Variants in ALKBH5 observed in about 807,000 individuals in gnomAD.
ALKBH5 encodes the protein RNA demethylase ALKBH5.
ALKBH5 carries 2 observed loss-of-function variants against 32.1 expected under a neutral mutation model. The ratio of observed to expected loss-of-function variants is 0.06; its 90% CI spans 0.03 to 0.20. ALKBH5 has a LOEUF of 0.20. Among genes scored for constraint, ALKBH5 ranks in the 10% least tolerant of loss-of-function variants. ALKBH5 has a pLI of 1.00. For synonymous variants in ALKBH5, 300 were observed against 231.7 expected, an observed-to-expected ratio of 1.29 and a Z score of -2.68; for missense variants, 352 against 559.5, an observed-to-expected ratio of 0.63 and a Z score of 3.74.
Position 18,184,115 on chromosome 17 carries a change from C to T in ALKBH5, c.-129C>T. 1 of 859,662 alleles carries T rather than the reference C, an allele frequency of 1.2e-6. No individual in the cohort carries two copies. The highest frequency in any genetic ancestry group is 1.8e-6 in the Non-Finnish European group (1 of 551,098). The allele number at this position is 859,662 out of a possible 1,614,324, so 53.3% of individuals were successfully genotyped here. ...ACCCTCGACGCCCCCCGCCGGGTCC[C>T]CCACTCACGCATGGGGGTTCGGCGC... On this transcript the variant is annotated 5_prime_UTR_variant, in exon 1 of 4. Transcript: ENST00000399138.
chr17:18,208,381 G>A lies in ALKBH5; in HGVS notation c.1170G>A (p.Lys390=). 1 of 1,613,228 alleles carries A rather than the reference G, an allele frequency of 6.2e-7. No individual in the cohort carries two copies. The highest frequency in any genetic ancestry group is 8.5e-7 in the Non-Finnish European group (1 of 1,179,516). ...CAGGCAGCCCTGCCCGAAAGGTGAA[G>A]ATGCGGCGGCACTGAGTCTACCCGC... is the stretch of plus-strand genomic sequence containing the variant. ...EAAGSPARKV[K]MRRH is the part of the protein sequence containing the mutation. The change falls in exon 4 of 4, where the codon AAG becomes AAA. Residue 390 remains lysine, a synonymous_variant. Coordinates refer to ENST00000399138, the MANE Select transcript of ALKBH5 (RefSeq NM_017758.4).
At chr17:18,207,849 G>C (rs1035807480) in intron 3 of ALKBH5, among the ~76,000 whole-genome samples, 4 of 152,078 alleles carry the variant, frequency 2.6e-5, no homozygotes, top group African/African-American at 7.2e-5. Flanking sequence ...AGTGGAGAAG[G>C]GGGTGTTGGG....
intron 2 of ALKBH5, among the ~76,000 whole-genome samples, chr17:18,203,500 G>A (rs1305476110): frequency 1.3e-5 from 2 of 152,176 alleles, no homozygotes; most frequent in East Asian, 1.9e-4. Flanking sequence ...TCACATGCCC[G>A]AGGTCACATG....
rs181467493 is a variant in ALKBH5 at position 18,194,473 on chromosome 17, A to C, written c.771-482A>C. Among the ~76,000 whole-genome samples, 26 of 152,224 alleles carry C rather than the reference A, an allele frequency of 1.7e-4. No homozygotes were observed. The East Asian group carries it at 4.8e-3, about 28-fold the overall frequency. On this transcript the variant is annotated intron_variant, in intron 1 of 3. Coordinates refer to ENST00000399138, the MANE Select transcript of ALKBH5 (RefSeq NM_017758.4). ...CCAGCCGGAAATTCTTAAAATATTCAAACACAACTGTCTTCAAAATTTTGG... is the reference window on the plus strand; with the variant it reads ...CCAGCCGGAAATTCTTAAAATATTCCAACACAACTGTCTTCAAAATTTTGG...
chr17:18,197,980 G>A (rs1219950465), intron 2 of ALKBH5, among the ~76,000 whole-genome samples: 1 of 152,162 alleles, frequency 6.6e-6, no homozygotes, highest in Non-Finnish European at 1.5e-5. Flanking sequence ...TTATGGATTT[G>A]TGCCTGGGCT....
At chr17:18,185,604 C>T (rs2047134579) in intron 1 of ALKBH5, among the ~76,000 whole-genome samples, 1 of 152,196 alleles carries the variant, frequency 6.6e-6, no homozygotes, top group Non-Finnish European at 1.5e-5. Flanking sequence ...AAATTCTTCC[C>T]TCCTGGCTGC....
chr17:18,203,746 G>A (rs1231565285), intron 2 of ALKBH5, among the ~76,000 whole-genome samples: 1 of 152,244 alleles, frequency 6.6e-6, no homozygotes, highest in Non-Finnish European at 1.5e-5. Flanking sequence ...TGGGCTTGGA[G>A]TCAAGCTCTA....
intron 1 of ALKBH5, among the ~76,000 whole-genome samples, chr17:18,192,465 A>G (rs2047181814): frequency 6.6e-6 from 1 of 152,224 alleles, no homozygotes; most frequent in Non-Finnish European, 1.5e-5. Flanking sequence ...ATCTTGTAAT[A>G]TTAGTAGCAG....
In ALKBH5 at chr17:18,189,399, A is replaced by G. The variant is rs138422595; in HGVS notation, c.770+4386A>G. ...AGCAAGACTCCGTCTCAAAAAAAAG[A>G]AAAAGAAAATTCAGAGCTGGCTGGC... On this transcript the variant is annotated intron_variant, in intron 1 of 3. Coordinates refer to ENST00000399138, the MANE Select transcript of ALKBH5 (RefSeq NM_017758.4). Among the ~76,000 whole-genome samples the G allele has an allele frequency of 5.1e-3, 781 of 152,268 alleles. 8 individuals carry two copies. Among genetic ancestry groups the G allele is most frequent in the African/African-American group, 0.017 (712 of 41,554 alleles).
intron 2 of ALKBH5, among the ~76,000 whole-genome samples, chr17:18,199,059 G>A (rs530923727): frequency 2.0e-5 from 3 of 152,200 alleles, no homozygotes; most frequent in Admixed American, 6.5e-5. Flanking sequence ...CTGGAGCTCA[G>A]ATATAGAAGG....
At chr17:18,195,234 T>C (rs2142477595) in intron 2 of ALKBH5, among the ~76,000 whole-genome samples, 199 bp downstream of exon 2, 1 of 152,326 alleles carries the variant, frequency 6.6e-6, no homozygotes, top group South Asian at 2.1e-4. Flanking sequence ...GTACTCTATT[T>C]AGGGAGTTTA....
chr17:18,201,794 A>AGATAGGT (rs1491101824), intron 2 of ALKBH5, among the ~76,000 whole-genome samples: 49 of 134,512 alleles, frequency 3.6e-4, no homozygotes, highest in South Asian at 2.5e-3. Flanking sequence ...TAGGATAGAT[A>AGATAGGT]AGATAGATAG....
chr17:18,205,093 A>T (rs567989943), intron 2 of ALKBH5, among the ~76,000 whole-genome samples: 10 of 152,180 alleles, frequency 6.6e-5, no homozygotes, highest in African/African-American at 2.2e-4. Context: ...TCACATACTC[A>T]TCTCTGGTAG....
chr17:18,187,474 CTG>C (rs2047146260), intron 1 of ALKBH5, among the ~76,000 whole-genome samples: 1 of 152,188 alleles, frequency 6.6e-6, no homozygotes, highest in Non-Finnish European at 1.5e-5. Context: ...GCATTGTAGA[CTG>C]TTCAGCAGCA....
intron 1 of ALKBH5, among the ~76,000 whole-genome samples, chr17:18,188,589 G>C (rs1456195343): frequency 2.0e-5 from 3 of 152,248 alleles, no homozygotes; most frequent in African/African-American, 7.2e-5. Context: ...CCACTGGAGG[G>C]GGAGGAACCA....
intron 3 of ALKBH5, 96 bp downstream of exon 3, chr17:18,207,066 G>T: frequency 2.0e-6 from 3 of 1,475,102 alleles, no homozygotes; most frequent in South Asian, 1.3e-5. Flanking sequence ...AGGAGCCTTG[G>T]CTTGCTCACC....
intron 2 of ALKBH5, among the ~76,000 whole-genome samples, chr17:18,203,389 C>G (rs1205479779): frequency 6.6e-6 from 1 of 152,236 alleles, no homozygotes; most frequent in Non-Finnish European, 1.5e-5. Flanking sequence ...CCCTTCCCTT[C>G]GGTTCACACT....
chr17:18,186,600 A>C (rs1451140792), intron 1 of ALKBH5, among the ~76,000 whole-genome samples: 2 of 152,142 alleles, frequency 1.3e-5, no homozygotes, highest in African/African-American at 4.8e-5. Context: ...ACACATGCCC[A>C]CCCTGTATTT....
chr17:18,209,768 G>A lies in ALKBH5; in HGVS notation c.*1372G>A, dbSNP rs1413816384. 6.6e-6 allele frequency: 1 copy of A among 152,614 alleles called. No homozygotes were observed. Among genetic ancestry groups the A allele is most frequent in the Non-Finnish European group, 1.5e-5 (1 of 68,034 alleles). The allele number at this position is 152,614 out of a possible 1,614,324, so 9.5% of individuals were successfully genotyped here. On this transcript the variant is annotated 3_prime_UTR_variant, in exon 4 of 4. Transcript: ENST00000399138. Reference sequence around the variant, plus strand: ...AATCTGGGGCAGCCACCATCAAGAAGCCCCTCTCAGGGGCCAGAACTCCTT... The same window carrying A: ...AATCTGGGGCAGCCACCATCAAGAAACCCCTCTCAGGGGCCAGAACTCCTT...
Sources: gnomAD v4.1 joint callset for allele counts (sites outside exome capture counted in the v4.1 genomes callset) on GRCh38, gnomAD v4.1.1 for gene constraint, MANE v1.5 for transcripts, NCBI Gene and HGNC (gene_info 2026-07-23, HGNC 2026-07-21) for gene names.